The following LRRC4C variants were observed in gnomAD, a reference collection of about 807,000 sequenced individuals.
LRRC4C encodes the protein leucine-rich repeat-containing protein 4C.
Under a neutral mutation model 33.6 loss-of-function variants are expected in LRRC4C, and 5 were observed. The observed-to-expected ratio is 0.15, with a 90% CI of 0.08 to 0.31. The LOEUF (loss-of-function observed/expected upper bound fraction) is 0.31, where lower values mean the gene tolerates loss of function less well. Among genes scored for constraint, LRRC4C ranks in the 10% least tolerant of loss-of-function variants. LRRC4C has a pLI of 1.00. For missense variants in LRRC4C, 560 were observed against 796.7 expected (o/e 0.70, Z 3.58); for synonymous variants, 329 against 302.0 (o/e 1.09, Z -0.93).
intron 2 of LRRC4C, among the ~76,000 whole-genome samples, chr11:40,730,127 A>G (rs1479636689): frequency 2.0e-5 from 3 of 152,162 alleles, no homozygotes; most frequent in Non-Finnish European, 4.4e-5. Context: ...GGGCAGGGAT[A>G]GCATTGGGAG....
intron 5 of LRRC4C, among the ~76,000 whole-genome samples, chr11:40,218,578 CTATGTATGTATGTATG>C (rs71060947): frequency 0.019 from 2,180 of 115,480 alleles, 61 homozygotes; most frequent in African/African-American, 0.052. Context: ...GATGAAGAAT[CTATGTATGTATGTATG>C]TATGTATGTA....
At chr11:40,260,953 T>A (rs1380535714) in intron 4 of LRRC4C, among the ~76,000 whole-genome samples, 1 of 152,156 alleles carries the variant, frequency 6.6e-6, no homozygotes, top group Non-Finnish European at 1.5e-5. Context: ...CAATCATAGC[T>A]CACTGTAACT....
chr11:41,266,411 G>T (rs980852738), intron 1 of LRRC4C, among the ~76,000 whole-genome samples: 6 of 151,988 alleles, frequency 3.9e-5, no homozygotes, highest in African/African-American at 1.4e-4. Flanking sequence ...GGAGCTAAAG[G>T]TAAACCCAAC....
intron 3 of LRRC4C, chr11:40,446,362 C>A (rs10501233): frequency 6.6e-6 from 1 of 151,862 alleles, no homozygotes; most frequent in African/African-American, 2.4e-5. Context: ...ACAGTTAACT[C>A]CTCATGCCTC....
chr11:41,003,826 C>T (rs1363350200), intron 1 of LRRC4C, among the ~76,000 whole-genome samples: 1 of 151,836 alleles, frequency 6.6e-6, no homozygotes, highest in Non-Finnish European at 1.5e-5. Context: ...CTGCCTGGCT[C>T]TGAGGGGTAC....
intron 5 of LRRC4C, among the ~76,000 whole-genome samples, chr11:40,208,902 A>G (rs1376356804): frequency 6.6e-6 from 1 of 152,070 alleles, no homozygotes; most frequent in Non-Finnish European, 1.5e-5. Context: ...TGGTATTTAC[A>G]CAAGAAAACA....
intron 3 of LRRC4C, among the ~76,000 whole-genome samples, chr11:40,414,065 C>T (rs1950241836): frequency 1.3e-5 from 2 of 151,636 alleles, no homozygotes; most frequent in African/African-American, 4.8e-5. Flanking sequence ...GATGATTCTG[C>T]AACAATATTT....
chr11:40,391,400 A>G (rs1199418408), intron 3 of LRRC4C, among the ~76,000 whole-genome samples: 3 of 152,164 alleles, frequency 2.0e-5, no homozygotes, highest in Non-Finnish European at 4.4e-5. Flanking sequence ...CTCTGTAATA[A>G]CAGCTCATTT....
intron 1 of LRRC4C, among the ~76,000 whole-genome samples, chr11:41,363,951 G>C (rs1952444810): frequency 6.6e-6 from 1 of 152,074 alleles, no homozygotes; most frequent in African/African-American, 2.4e-5. Context: ...CTATTTATAA[G>C]GTTCCCACTC....
In LRRC4C at chr11:41,442,860, T is replaced by A. The variant is rs1378610545; in HGVS notation, c.-496+16571A>T. On this transcript the variant is annotated intron_variant, in intron 1 of 6. Coordinates refer to ENST00000528697, the MANE Select transcript of LRRC4C (RefSeq NM_001258419.2). ...TCTGTATAATCTGAAATAGTTCATC[T>A]ATCTTCAAATTTCTGCCCAACAATT... 2.0e-5 allele frequency among the ~76,000 whole-genome samples: 3 copies of A among 152,298 alleles called. No homozygotes were observed. The East Asian group carries it at 5.8e-4, about 29-fold the overall frequency.
chr11:40,295,858 CTTTAA>C (rs779881414), intron 4 of LRRC4C, among the ~76,000 whole-genome samples: 7 of 152,250 alleles, frequency 4.6e-5, no homozygotes, highest in African/African-American at 7.2e-5. Flanking sequence ...GGGCAGTTGA[CTTTAA>C]TTTGTGTTTT....
intron 3 of LRRC4C, among the ~76,000 whole-genome samples, chr11:40,495,232 A>T (rs1344111818): frequency 2.0e-5 from 3 of 152,166 alleles, no homozygotes; most frequent in Admixed American, 2.0e-4. Flanking sequence ...TTTGTTAAGT[A>T]GTTTGTGCGA....
chr11:40,621,072 G>A (rs1962405977), intron 3 of LRRC4C, among the ~76,000 whole-genome samples: 4 of 151,296 alleles, frequency 2.6e-5, no homozygotes, highest in Admixed American at 1.3e-4. Flanking sequence ...TTTCTTTTTG[G>A]TTTTATCTCT....
At chr11:40,361,868 C>G (rs951713949) in intron 3 of LRRC4C, among the ~76,000 whole-genome samples, 4 of 152,176 alleles carry the variant, frequency 2.6e-5, no homozygotes, top group Admixed American at 6.5e-5. Context: ...AACCATACTA[C>G]AGGGCTATAG....
At chr11:40,324,739 AG>A (rs1179662229) in intron 3 of LRRC4C, among the ~76,000 whole-genome samples, 2 of 152,242 alleles carry the variant, frequency 1.3e-5, no homozygotes, top group Non-Finnish European at 1.5e-5. Context: ...TTTACAGATT[AG>A]GGTAAAAATT....
chr11:41,247,436 A>T (rs1750869613), intron 1 of LRRC4C, among the ~76,000 whole-genome samples: 1 of 152,146 alleles, frequency 6.6e-6, no homozygotes, highest in African/African-American at 2.4e-5. Flanking sequence ...CACAAAGTCA[A>T]CTCCAATGCT....
intron 1 of LRRC4C, among the ~76,000 whole-genome samples, chr11:41,074,740 G>T (rs2135444174): frequency 6.6e-6 from 1 of 152,220 alleles, no homozygotes; most frequent in Admixed American, 6.5e-5. Flanking sequence ...TGAAAACTCT[G>T]CAATTTAAGA....
At chr11:41,357,251 T>C (rs986845464) in intron 1 of LRRC4C, among the ~76,000 whole-genome samples, 1 of 152,170 alleles carries the variant, frequency 6.6e-6, no homozygotes, top group Non-Finnish European at 1.5e-5. Flanking sequence ...GCTCTTAATC[T>C]AAATTAGGAA....
intron 1 of LRRC4C, among the ~76,000 whole-genome samples, chr11:41,221,824 C>T (rs1241380541): frequency 6.6e-6 from 1 of 152,140 alleles, no homozygotes; most frequent in African/African-American, 2.4e-5. Context: ...AAATTCCTAA[C>T]ATCATTAGTT....
Sources: gnomAD v4.1 joint callset for allele counts (sites outside exome capture counted in the v4.1 genomes callset) on GRCh38, gnomAD v4.1.1 for gene constraint, MANE v1.5 for transcripts, NCBI Gene and HGNC (gene_info 2026-07-23, HGNC 2026-07-21) for gene names.